Variants in SEC14L1 observed in about 807,000 individuals in gnomAD.
The protein encoded by SEC14L1 is SEC14 like lipid binding 1.
A neutral mutation model predicts 85.3 loss-of-function variants in SEC14L1; 48 were observed. That is an observed-to-expected ratio of 0.56 (90% CI 0.45 to 0.72). SEC14L1 has a LOEUF of 0.72. SEC14L1 is among the 30% of genes least tolerant of loss of function. The probability of loss-of-function intolerance (pLI) is 0.00; values close to 1 mark genes in which losing one functional copy is unlikely to be tolerated. For synonymous variants in SEC14L1, 391 were observed against 355.5 expected (o/e 1.10, Z -1.12); for missense variants, 682 against 921.4 (o/e 0.74, Z 3.36).
Position 77,140,970 on chromosome 17 carries a change from C to T in SEC14L1, c.-273C>T, listed in dbSNP as rs1972978948. ...GCCGTCGCCGCGCCCCTTCCCCCTC[C>T]CGCCTCCCCGGCCCCCTCCCCGGAA... On this transcript the variant is annotated 5_prime_UTR_variant, in exon 1 of 17. Transcript: ENST00000436233. 1 of 151,572 alleles carries T rather than the reference C, an allele frequency of 6.6e-6. No individual in the cohort carries two copies. The highest frequency in any genetic ancestry group is 1.5e-5 in the Non-Finnish European group (1 of 67,826). The allele number at this position is 151,572 out of a possible 1,614,324, so 9.4% of individuals were successfully genotyped here.
intron 5 of SEC14L1, 166 bp from the exon 6 acceptor site, chr17:77,193,255 C>T: frequency 3.9e-6 from 2 of 516,142 alleles, no homozygotes; most frequent in South Asian, 3.8e-5. Flanking sequence ...GCTTTTGATC[C>T]TGATTTTGAA....
chr17:77,115,899 CAA>C (rs942671646), intron 3 of SEC14L1, among the ~76,000 whole-genome samples: 1 of 149,540 alleles, frequency 6.7e-6, no homozygotes, highest in African/African-American at 2.4e-5. Flanking sequence ...GAAAAGAAGA[CAA>C]AAGTTTTGAC....
At chr17:77,183,777 A>G (rs1975146705) in intron 3 of SEC14L1, among the ~76,000 whole-genome samples, 1 of 152,094 alleles carries the variant, frequency 6.6e-6, no homozygotes, top group South Asian at 2.1e-4. Context: ...CTCTCTTTAG[A>G]TGCCTTTATT....
chr17:77,145,363 C>G (rs1191380085), intron 3 of SEC14L1, among the ~76,000 whole-genome samples: 1 of 152,074 alleles, frequency 6.6e-6, no homozygotes, highest in Non-Finnish European at 1.5e-5. Flanking sequence ...AAAAGAATCC[C>G]TCACACCTTT....
At chr17:77,205,107 G>A (rs775160379) in intron 10 of SEC14L1, 169 bp from the exon 11 acceptor site, 11 of 593,878 alleles carry the variant, frequency 1.9e-5, no homozygotes, top group Non-Finnish European at 3.3e-5. Flanking sequence ...TTATTTGTTG[G>A]TGGTGATGTG....
intron 3 of SEC14L1, among the ~76,000 whole-genome samples, chr17:77,173,476 A>G (rs1974613020): frequency 6.6e-6 from 1 of 151,748 alleles, no homozygotes; most frequent in Non-Finnish European, 1.5e-5. Context: ...TGGGGGCCTT[A>G]GTTTCTATAG....
At chr17:77,145,730 C>T (rs1973271478) in intron 3 of SEC14L1, among the ~76,000 whole-genome samples, 1 of 152,148 alleles carries the variant, frequency 6.6e-6, no homozygotes, top group Non-Finnish European at 1.5e-5. Context: ...TCCGGGAATT[C>T]GAGCTGGGAT....
intron 8 of SEC14L1, 102 bp downstream of exon 8, chr17:77,196,413 G>T (rs556170421): frequency 3.0e-6 from 2 of 674,220 alleles, no homozygotes; most frequent in African/African-American, 1.9e-5. Context: ...CAACTTCCAC[G>T]GCTGGGAATG....
intron 3 of SEC14L1, among the ~76,000 whole-genome samples, chr17:77,155,626 CT>C: frequency 6.6e-6 from 1 of 152,358 alleles, no homozygotes; most frequent in Admixed American, 6.5e-5. Flanking sequence ...ACCCCTCACT[CT>C]TCTGCTCGTC....
At chr17:77,129,886 C>A (rs1443115296) in intron 3 of SEC14L1, among the ~76,000 whole-genome samples, 1 of 152,138 alleles carries the variant, frequency 6.6e-6, no homozygotes, top group Non-Finnish European at 1.5e-5. Flanking sequence ...TGACCCGCAG[C>A]TGCACAGCCA....
rs766971951 is a variant in SEC14L1 at position 77,206,850 on chromosome 17, T to A, written c.1464T>A (p.Ser488Arg). The A allele has an allele frequency of 6.2e-7, 1 of 1,605,694 alleles. No individual in the cohort carries two copies. The highest frequency in any genetic ancestry group is 1.1e-5 in the South Asian group (1 of 89,382). ...AAGAGATTATTCCAGATTTCCTGAGTGGGGAGTGCATGGTATGTCCTGAGG... is the reference window on the plus strand; with the variant it reads ...AAGAGATTATTCCAGATTTCCTGAGAGGGGAGTGCATGGTATGTCCTGAGG... ...IDKEIIPDFL[S>R]GECMCEVPEG... Residue 488 changes from serine (S) to arginine (R), a missense_variant, in exon 13 of 17, where the codon AGT becomes AGA. This residue lies in a region of SEC14L1 where 420 missense variants were observed against 619.5 expected (regional missense o/e 0.68). Coordinates refer to ENST00000436233, the MANE Select transcript of SEC14L1 (RefSeq NM_001143998.2). The surrounding 1 kb of genome is among the most constrained non-coding windows in gnomAD (Gnocchi z 4.3).
At chr17:77,189,006 T>TTA (rs567311232) in intron 3 of SEC14L1, among the ~76,000 whole-genome samples, 5 of 152,088 alleles carry the variant, frequency 3.3e-5, no homozygotes, top group South Asian at 4.1e-4. Context: ...TTTTTTTTTT[T>TTA]AATCATGGTA....
At chr17:77,197,072 G>A (rs1975850295) in intron 8 of SEC14L1, among the ~76,000 whole-genome samples, 1 of 152,222 alleles carries the variant, frequency 6.6e-6, no homozygotes, top group Admixed American at 6.5e-5. Context: ...GGTGGGGTCA[G>A]GATTTGAACC....
At chr17:77,167,410 C>T (rs961477530) in intron 3 of SEC14L1, among the ~76,000 whole-genome samples, 2 of 152,174 alleles carry the variant, frequency 1.3e-5, no homozygotes, top group East Asian at 1.9e-4. Context: ...GCTAGAATTA[C>T]AGACATGAGC....
At chr17:77,120,178 C>T (rs1348095895) in intron 3 of SEC14L1, among the ~76,000 whole-genome samples, 4 of 151,968 alleles carry the variant, frequency 2.6e-5, no homozygotes, top group Admixed American at 1.3e-4. Context: ...TCAAGACCAG[C>T]CTGAGCAACA....
At chr17:77,198,232 A>G (rs1473531144) in intron 8 of SEC14L1, among the ~76,000 whole-genome samples, 1 of 152,252 alleles carries the variant, frequency 6.6e-6, no homozygotes, top group Non-Finnish European at 1.5e-5. Context: ...GAGGCAAATA[A>G]ATACAAAATA....
intron 3 of SEC14L1, among the ~76,000 whole-genome samples, chr17:77,120,625 T>C (rs1028924343): frequency 2.6e-5 from 4 of 152,148 alleles, no homozygotes; most frequent in Non-Finnish European, 5.9e-5. Context: ...TACAGGTGCG[T>C]GCCACCACGC....
chr17:77,208,761 T>G (rs956053436), intron 13 of SEC14L1, among the ~76,000 whole-genome samples: 6 of 152,262 alleles, frequency 3.9e-5, no homozygotes, highest in Non-Finnish European at 5.9e-5. Context: ...TTCGATTTTA[T>G]GAACTTTAGT....
Position 77,163,217 on chromosome 17 carries a change from C to A in SEC14L1, c.63+19558C>A, listed in dbSNP as rs1418980597. On this transcript the variant is annotated intron_variant, in intron 3 of 16. Transcript: ENST00000436233. Reference sequence around the variant, plus strand: ...AATCGATGATACGAATTGGACTTACCCTGTCACACCCAACTAAACTGGAGT... The same window carrying A: ...AATCGATGATACGAATTGGACTTACACTGTCACACCCAACTAAACTGGAGT... 2.0e-5 allele frequency among the ~76,000 whole-genome samples: 3 copies of A among 152,072 alleles called. No homozygotes were observed. In the East Asian group the frequency reaches 5.8e-4, roughly 29 times the overall value.
Sources: gnomAD v4.1 joint callset for allele counts (sites outside exome capture counted in the v4.1 genomes callset) on GRCh38, gnomAD v4.1.1 for gene constraint, gnomAD v4.1.1 regional missense constraint, Gnocchi (gnomAD v3.1) non-coding constraint, MANE v1.5 for transcripts, NCBI Gene and HGNC (gene_info 2026-07-23, HGNC 2026-07-21) for gene names.